The following RGS3 variants were observed in gnomAD, a reference collection of about 807,000 sequenced individuals.
RGS3 encodes the protein regulator of G protein signaling 3.
A neutral mutation model predicts 132.6 loss-of-function variants in RGS3; 80 were observed. The observed-to-expected ratio is 0.60, with a 90% CI of 0.50 to 0.73. The LOEUF is 0.73. Among genes scored for constraint, RGS3 ranks in the 30% least tolerant of loss-of-function variants. RGS3 has a pLI of 0.00. For missense variants in RGS3, 1,382 were observed against 1,530.8 expected (o/e 0.90, Z 1.62); for synonymous variants, 598 against 620.6 (o/e 0.96, Z 0.54).
At chr9:113,525,839 G>A (rs1051010687) in intron 17 of RGS3, among the ~76,000 whole-genome samples, 2 of 152,188 alleles carry the variant, frequency 1.3e-5, no homozygotes, top group Admixed American at 6.5e-5. Context: ...TGTTTGTTGT[G>A]TGAATGAATG....
intron 16 of RGS3, among the ~76,000 whole-genome samples, chr9:113,519,089 A>G (rs879764041): frequency 3.9e-5 from 6 of 152,122 alleles, no homozygotes; most frequent in Non-Finnish European, 7.3e-5. Context: ...CTTGACCCCA[A>G]TTAGCTCTTG....
rs750924991 is a variant in RGS3 at position 113,529,279 on chromosome 9, C to T, written c.1914+15C>T. On this transcript the variant is annotated intron_variant, in intron 18 of 24. Coordinates refer to ENST00000350696, the Ensembl canonical transcript of RGS3. ...ATCTAGCAGAGGTGAGTCCTTTCCT[C>T]TGGATTTGAGGAGAGAGATCTTCGA... 1 of 1,607,964 alleles carries T rather than the reference C, an allele frequency of 6.2e-7. No homozygotes were observed. The highest frequency in any genetic ancestry group is 1.7e-5 in the Admixed American group (1 of 60,012).
intron 19 of RGS3, among the ~76,000 whole-genome samples, chr9:113,574,269 A>G (rs996647827): frequency 3.9e-4 from 60 of 152,262 alleles, no homozygotes; most frequent in Non-Finnish European, 6.8e-4. Flanking sequence ...GCCTCATCCA[A>G]CCACCTCCAC....
At chr9:113,583,970 C>T in exon 20 of RGS3, 1 of 1,614,102 alleles carries the variant, frequency 6.2e-7, no homozygotes. Flanking sequence ...CCCAGGCCAG[C>T]CTTCGTGATC....
chr9:113,519,473 A>G (rs920480477), intron 16 of RGS3, among the ~76,000 whole-genome samples: 2 of 151,632 alleles, frequency 1.3e-5, no homozygotes, highest in Admixed American at 6.6e-5. Flanking sequence ...TGGCAACCAA[A>G]CATGTAGATC....
Position 113,497,334 on chromosome 9 carries a change from C to CCTCCTAGGGGAGCTCCTAGGGGAG in RGS3, c.784_785insTCCTAGGGGAGCTCCTAGGGGAGC (p.Glu261_His262insLeuLeuGlyGluLeuLeuGlyGlu), listed in dbSNP as rs763349060. On this transcript the variant is annotated inframe_insertion, in exon 9 of 25. Transcript: ENST00000350696. ...GACAGGAGATCAGTGGTTGGTACTA[C>CCTCCTAGGGGAGCTCCTAGGGGAG]CTCCTAGGGGAGCACCTGGGCCGGA... 300 of 1,613,292 alleles carry CCTCCTAGGGGAGCTCCTAGGGGAG rather than the reference C, an allele frequency of 1.9e-4. 2 individuals carry two copies. The highest frequency in any genetic ancestry group is 1.4e-5 in the Non-Finnish European group (17 of 1,179,608).
chr9:113,501,723 T>G lies in RGS3; in HGVS notation c.897+3643T>G, dbSNP rs1186045878. Reference sequence around the variant, plus strand: ...GAAGGATCTCGCTCCTCACAAGGTCTTCTTTGACCTTTCCTGCTCCCTGCA... The same window carrying G: ...GAAGGATCTCGCTCCTCACAAGGTCGTCTTTGACCTTTCCTGCTCCCTGCA... On this transcript the variant is annotated intron_variant, in intron 10 of 24. Transcript: ENST00000350696. 4 of 1,285,622 alleles carry G rather than the reference T, an allele frequency of 3.1e-6. No individual in the cohort carries two copies. In the African/African-American group the frequency reaches 4.4e-5, roughly 14 times the overall value. 79.6% of individuals were successfully genotyped at this position (1,285,622 alleles called of 1,614,324 possible). A position where few individuals can be genotyped will look rare whatever the true frequency, so the allele number is the denominator to read the frequency against.
chr9:113,504,568 C>T (rs903702796), intron 10 of RGS3, among the ~76,000 whole-genome samples: 12 of 152,160 alleles, frequency 7.9e-5, no homozygotes, highest in African/African-American at 2.2e-4. Flanking sequence ...CTTTAGTGCC[C>T]GCTGTGCCCT....
chr9:113,544,564 T>C lies in RGS3; in HGVS notation c.2037+7646T>C, dbSNP rs1564551231. Among the ~76,000 whole-genome samples the C allele has an allele frequency of 2.0e-5, 3 of 152,200 alleles. No homozygotes were observed. In the East Asian group the frequency reaches 5.8e-4, roughly 29 times the overall value. ...AGGCACCAAGAGGGTTTTTGCAAAG[T>C]GAAAATGCAGGCAATTTTGCAACGT... is the stretch of plus-strand genomic sequence containing the variant. On this transcript the variant is annotated intron_variant, in intron 19 of 24. Coordinates refer to ENST00000350696, the Ensembl canonical transcript of RGS3.
At chr9:113,596,155 C>T (rs950963752) in intron 24 of RGS3, among the ~76,000 whole-genome samples, 5 of 152,164 alleles carry the variant, frequency 3.3e-5, no homozygotes, top group East Asian at 1.9e-4. Context: ...GCCAACAGGG[C>T]GAAACCCCAT....
intron 7 of RGS3, among the ~76,000 whole-genome samples, chr9:113,493,756 G>A (rs1830596372): frequency 6.6e-6 from 1 of 152,124 alleles, no homozygotes; most frequent in Admixed American, 6.5e-5. Context: ...CCCCACCTTG[G>A]ACCAACTAAT....
intron 10 of RGS3, chr9:113,501,539 G>A: frequency 1.3e-6 from 2 of 1,537,452 alleles, no homozygotes; most frequent in Admixed American, 3.9e-5. Context: ...GGAGAGCTGG[G>A]TTTTCATGGG....
At chr9:113,456,234 C>G (rs1829359554), upstream of RGS3, among the ~76,000 whole-genome samples, 1 of 152,180 alleles carries the variant, frequency 6.6e-6, no homozygotes, top group African/African-American at 2.4e-5. Flanking sequence ...TATGCATGCT[C>G]ATGGCCTCAC....
intron 17 of RGS3, among the ~76,000 whole-genome samples, chr9:113,524,276 A>G (rs1168684856): frequency 3.3e-5 from 5 of 152,140 alleles, no homozygotes; most frequent in African/African-American, 7.2e-5. Flanking sequence ...TGCAGTGTGC[A>G]TATTCACACA....
intron 19 of RGS3, among the ~76,000 whole-genome samples, chr9:113,573,783 G>A (rs750332662): frequency 6.6e-5 from 10 of 152,138 alleles, no homozygotes; most frequent in East Asian, 1.9e-4. Flanking sequence ...TCCGAGCGGG[G>A]CCCCTGCGTC....
In RGS3 at chr9:113,506,498, CAG is replaced by C. The variant is rs747984212; in HGVS notation, c.1085+6_1085+7del. 1.8e-4 allele frequency: 283 copies of C among 1,574,958 alleles called. No homozygotes were observed. The highest frequency in any genetic ancestry group is 2.2e-4 in the Non-Finnish European group (258 of 1,159,044). On this transcript the variant is annotated splice_donor_region_variant and intron_variant, in intron 12 of 24. Coordinates refer to ENST00000350696, the Ensembl canonical transcript of RGS3. This position sits in a 1 kb window ranked among gnomAD's most constrained non-coding sequence, Gnocchi z 4.7. The stretch of plus-strand genomic sequence containing the variant: ...GGAGCTGGCCCACGAGATCCGGTGA[CAG>C]GGGACAGCGGGTGGCCTGGGGCCTC...
chr9:113,496,418 A>G (rs1187968745), intron 8 of RGS3, among the ~76,000 whole-genome samples: 1 of 151,432 alleles, frequency 6.6e-6, no homozygotes, highest in Non-Finnish European at 1.5e-5. Flanking sequence ...GGTGGGGAGC[A>G]CTCCTTTTGC....
At chr9:113,517,790 G>T (rs145715535) in intron 16 of RGS3, among the ~76,000 whole-genome samples, 166 bp downstream of exon 14, 291 of 152,244 alleles carry the variant, frequency 1.9e-3, no homozygotes, top group African/African-American at 6.7e-3. Flanking sequence ...AGGCTACCCA[G>T]CTTTTTCTTG....
At chr9:113,594,240 A>T (rs369456500) in intron 21 of RGS3, 190 bp from the exon 20 acceptor site, 1 of 1,612,688 alleles carries the variant, frequency 6.2e-7, no homozygotes, top group Non-Finnish European at 8.5e-7. Flanking sequence ...CCTCCTACAG[A>T]CCAATCTGCG....
Sources: allele counts gnomAD v4.1 joint callset (sites outside exome capture counted in the v4.1 genomes callset), GRCh38; gene constraint gnomAD v4.1.1; non-coding constraint Gnocchi (gnomAD v3.1); transcripts MANE v1.5; gene names NCBI Gene and HGNC (gene_info 2026-07-23, HGNC 2026-07-21).